Variants in PCNX2 observed in about 807,000 individuals in gnomAD.
The protein encoded by PCNX2 is pecanex-like protein 2.
In PCNX2, 168 loss-of-function variants were observed where a neutral mutation model predicts 223.8. The ratio of observed to expected loss-of-function variants is 0.75; its 90% CI spans 0.66 to 0.85. PCNX2 has a LOEUF of 0.85. PCNX2 is among the 40% of genes least tolerant of loss of function. The pLI, the probability that PCNX2 is intolerant of heterozygous loss-of-function variation, is 0.00. For missense variants in PCNX2, 2,507 were observed against 2,675.5 expected (o/e 0.94, Z 1.39); for synonymous variants, 1,006 against 1,052.6 (o/e 0.96, Z 0.86).
At position 233,236,721 on chromosome 1, in the gene PCNX2, A is replaced by C; in HGVS notation, c.2358+124T>G. 1.6e-5 allele frequency: 23 copies of C among 1,400,298 alleles called. 1 individual carries two copies. Among genetic ancestry groups the C allele is most frequent in the Non-Finnish European group, 2.2e-5 (23 of 1,026,846 alleles). The allele number at this position is 1,400,298 out of a possible 1,614,324, so 86.7% of individuals were successfully genotyped here. ...GACTGCCTTGCAGTGATATATCAAC[A>C]ACCCGTGATGCAAAATTCAGGGAAA... On this transcript the variant is annotated intron_variant, in intron 9 of 33. Coordinates refer to ENST00000258229, the MANE Select transcript of PCNX2 (RefSeq NM_014801.4).
At chr1:232,985,866 G>A in intron 33 of PCNX2, 3 of 618,498 alleles carry the variant, frequency 4.9e-6, no homozygotes, top group Non-Finnish European at 8.7e-6. Context: ...GTGCCTGCCT[G>A]GGCATTATCG....
chr1:233,151,053 A>T (rs200678674), intron 19 of PCNX2, among the ~76,000 whole-genome samples: 1 of 38,088 alleles, frequency 2.6e-5, no homozygotes, highest in South Asian at 1.2e-3. Flanking sequence ...CATCTTGCCA[A>T]GAGCAAGGAC....
At chr1:232,997,284 C>T (rs1669909853) in intron 32 of PCNX2, among the ~76,000 whole-genome samples, 1 of 152,180 alleles carries the variant, frequency 6.6e-6, no homozygotes, top group African/African-American at 2.4e-5. Flanking sequence ...TTGATTTATA[C>T]ATATATCCTC....
chr1:233,059,291 A>G (rs935454029), intron 23 of PCNX2, among the ~76,000 whole-genome samples: 2 of 152,206 alleles, frequency 1.3e-5, no homozygotes, highest in African/African-American at 4.8e-5. Flanking sequence ...GTCAAGGCTA[A>G]CATCAATCAT....
chr1:233,069,560 C>T (rs555194395), intron 23 of PCNX2, among the ~76,000 whole-genome samples: 3 of 151,722 alleles, frequency 2.0e-5, no homozygotes, highest in Non-Finnish European at 4.4e-5. Context: ...ACAAAGAAAA[C>T]AGGAAAATAT....
intron 1 of PCNX2, among the ~76,000 whole-genome samples, chr1:233,273,377 T>A (rs993291469): frequency 6.6e-6 from 1 of 151,962 alleles, no homozygotes; most frequent in Admixed American, 6.6e-5. Flanking sequence ...CCTTAGAGGC[T>A]GGGCTAGAAG....
At chr1:233,026,404 A>G (rs1363184442) in intron 25 of PCNX2, among the ~76,000 whole-genome samples, 1 of 152,184 alleles carries the variant, frequency 6.6e-6, no homozygotes, top group Non-Finnish European at 1.5e-5. Flanking sequence ...ACTTAGAATG[A>G]GTTAGAGGAA....
chr1:233,289,099 G>A (rs1419311724), intron 1 of PCNX2: 19 of 964,728 alleles, frequency 2.0e-5, no homozygotes, highest in South Asian at 1.3e-4. Flanking sequence ...TGGCTCCTGG[G>A]ATGCTTTTGC....
chr1:233,164,208 CA>C (rs1459089403), intron 17 of PCNX2, among the ~76,000 whole-genome samples: 1 of 152,142 alleles, frequency 6.6e-6, no homozygotes, highest in Non-Finnish European at 1.5e-5. Context: ...TGTGCAACGT[CA>C]CTAATCATCA....
intron 23 of PCNX2, among the ~76,000 whole-genome samples, chr1:233,059,009 A>C (rs1031327893): frequency 1.3e-5 from 2 of 151,918 alleles, no homozygotes; most frequent in African/African-American, 4.8e-5. Context: ...CTTTGCTCCA[A>C]GCCTGTTGGT....
At position 233,217,917 on chromosome 1, in the gene PCNX2, G is replaced by T; in HGVS notation, c.2673C>A (p.Asp891Glu). 1 of 1,613,896 alleles carries T rather than the reference G, an allele frequency of 6.2e-7. No individual in the cohort carries two copies. Among genetic ancestry groups the T allele is most frequent in the African/African-American group, 1.3e-5 (1 of 75,012 alleles). ...AACTTACGTGTATTGGTGAGGCGGGGTCAGGCTGAACACTCTAAAACACAA... is the reference window on the plus strand; with the variant it reads ...AACTTACGTGTATTGGTGAGGCGGGTTCAGGCTGAACACTCTAAAACACAA... The part of the protein sequence containing the change: ...QYSLLKSVQP[D>E]PASPIHGHNQ... The change falls in exon 12 of 34, where the codon GAC becomes GAA. Residue 891 changes from aspartate (D) to glutamate (E), a missense_variant. Transcript: ENST00000258229.
At chr1:233,019,736 G>T (rs1181198970) in intron 26 of PCNX2, among the ~76,000 whole-genome samples, 3 of 149,814 alleles carry the variant, frequency 2.0e-5, no homozygotes, top group African/African-American at 7.4e-5. Flanking sequence ...GGCATTAGGG[G>T]ACAGGAGAAC....
chr1:233,193,137 T>C (rs1572051983), intron 15 of PCNX2, among the ~76,000 whole-genome samples: 2 of 149,480 alleles, frequency 1.3e-5, no homozygotes, highest in East Asian at 3.9e-4. Context: ...TAAACTAGTA[T>C]AATTCCTAGT....
chr1:233,198,884 A>T, intron 15 of PCNX2, 55 bp downstream of exon 15: 1 of 1,449,154 alleles, frequency 6.9e-7, no homozygotes, highest in East Asian at 2.5e-5. Flanking sequence ...TGTTTAAAAA[A>T]ATAAGTTAAT....
At chr1:233,174,189 T>A (rs934236158) in intron 17 of PCNX2, among the ~76,000 whole-genome samples, 2 of 113,180 alleles carry the variant, frequency 1.8e-5, no homozygotes, top group African/African-American at 5.9e-5. Context: ...TAAATATGTA[T>A]TTAATTTATA....
intron 9 of PCNX2, among the ~76,000 whole-genome samples, chr1:233,233,946 C>T (rs1658229864): frequency 6.6e-6 from 1 of 152,080 alleles, no homozygotes; most frequent in South Asian, 2.1e-4. Flanking sequence ...CCAACTCATC[C>T]TCCACATTTC....
chr1:233,003,621 A>G (rs531892287), intron 28 of PCNX2, among the ~76,000 whole-genome samples: 1 of 152,354 alleles, frequency 6.6e-6, no homozygotes, highest in South Asian at 2.1e-4. Context: ...AGAACCAGAA[A>G]TACCATTTGA....
At chr1:233,107,337 G>C (rs1674856490) in intron 21 of PCNX2, among the ~76,000 whole-genome samples, 1 of 152,132 alleles carries the variant, frequency 6.6e-6, no homozygotes, top group Non-Finnish European at 1.5e-5. Context: ...GCAGTGAGCT[G>C]TGATCAAGCC....
chr1:233,068,345 G>A (rs1572065188), intron 23 of PCNX2, among the ~76,000 whole-genome samples: 1 of 151,632 alleles, frequency 6.6e-6, no homozygotes, highest in East Asian at 1.9e-4. Context: ...TGAAATAATA[G>A]GTAAATAATG....
Sources: gnomAD v4.1 joint callset for allele counts (sites outside exome capture counted in the v4.1 genomes callset) on GRCh38, gnomAD v4.1.1 for gene constraint, MANE v1.5 for transcripts, NCBI Gene and HGNC (gene_info 2026-07-23, HGNC 2026-07-21) for gene names.